The following UPB1 variants were observed in gnomAD, a reference collection of about 807,000 sequenced individuals.
The protein encoded by UPB1 is beta-ureidopropionase 1, also known as beta-ureidopropionase.
UPB1 carries 40 observed loss-of-function variants against 49.1 expected under a neutral mutation model. That is an observed-to-expected ratio of 0.81 (90% CI 0.63 to 1.06). The LOEUF (loss-of-function observed/expected upper bound fraction) is 1.06. Among genes scored for constraint, UPB1 ranks in the 50% least tolerant of loss-of-function variants. The pLI is 0.00. For missense variants in UPB1, 499 were observed against 505.9 expected (o/e 0.99, Z 0.13); for synonymous variants, 207 against 198.2 (o/e 1.04, Z -0.38).
In UPB1 at chr22:24,523,622, A is replaced by G. The variant is rs200513506; in HGVS notation, c.920A>G (p.His307Arg). ...GTGTTTCTTTGTTCCTTTAAAGCTCACCAGGACTTTGGCTACTTTTATGGC... is the reference window on the plus strand; with the variant it reads ...GTGTTTCTTTGTTCCTTTAAAGCTCGCCAGGACTTTGGCTACTTTTATGGC... ...EFTSGDGKKA[H>R]QDFGYFYGSS... Residue 307 changes from histidine to arginine, a missense_variant, in exon 9 of 10, where the codon CAC (histidine) becomes CGC (arginine). His to Arg is a conservative substitution (Grantham distance 29). Transcript: ENST00000326010. The G allele has an allele frequency of 2.5e-6, 4 of 1,614,208 alleles. No homozygotes were observed. The East Asian group carries it at 8.9e-5, about 36-fold the overall frequency.
In UPB1 at chr22:24,525,840, AGTGGATTAGCAAGT is replaced by A. The variant is rs1193485908; in HGVS notation, c.*51_*64del. The A allele has an allele frequency of 1.9e-6, 3 of 1,609,538 alleles. No homozygotes were observed. Among genetic ancestry groups the A allele is most frequent in the Non-Finnish European group, 2.6e-6 (3 of 1,176,090 alleles). The stretch of plus-strand genomic sequence containing the variant: ...GGGGTGAGGAAGACACCTCTGCCCC[AGTGGATTAGCAAGT>A]GTGGCAGGCTTAACATGTCCAGGTT... On this transcript the variant is annotated 3_prime_UTR_variant, in exon 10 of 10. Transcript: ENST00000326010.
intron 7 of UPB1, 31 bp downstream of exon 7, chr22:24,520,499 G>C (rs943280832): frequency 6.2e-7 from 1 of 1,610,234 alleles, no homozygotes; most frequent in East Asian, 2.2e-5. Flanking sequence ...GGGGAGAGGA[G>C]CCACCACCTG....
Position 24,525,967 on chromosome 22 carries a change from C to A in UPB1, c.*173C>A, listed in dbSNP as rs890249856. The A allele has an allele frequency of 6.5e-5, 47 of 727,168 alleles. No individual in the cohort carries two copies. In the African/African-American group the frequency reaches 7.5e-4, roughly 12 times the overall value. 45.0% of individuals were successfully genotyped at this position (727,168 alleles called of 1,614,324 possible). A position where few individuals can be genotyped will look rare whatever the true frequency, so the allele number is the denominator to read the frequency against. ...GAGTGACTTCTTAATGGGTAAGGGG[C>A]TGCTTACTTCTGGGGTATTGGAAAT... On this transcript the variant is annotated 3_prime_UTR_variant, in exon 10 of 10. Transcript: ENST00000326010.
chr22:24,520,527 A>G (rs1026579753), intron 7 of UPB1, 59 bp downstream of exon 7: 4 of 1,581,568 alleles, frequency 2.5e-6, no homozygotes, highest in Non-Finnish European at 3.4e-6. Context: ...TGGTGGGGAC[A>G]CCCCGTTCCC....
chr22:24,511,618 A>ATATATATTT (rs1280628896), intron 4 of UPB1, among the ~76,000 whole-genome samples: 29 of 122,568 alleles, frequency 2.4e-4, no homozygotes, highest in African/African-American at 8.7e-4. Context: ...ATATATATAT[A>ATATATATTT]TTTTTTTTTT....
chr22:24,520,254 C>T, intron 6 of UPB1, 133 bp from the exon 7 acceptor site: 1 of 1,029,480 alleles, frequency 9.7e-7, no homozygotes, highest in Non-Finnish European at 1.5e-6. Context: ...CCCAGGAAAG[C>T]CTGCAGCCAG....
rs577893756 is a variant in UPB1 at position 24,521,870 on chromosome 22, T to C, written c.874-116T>C. On this transcript the variant is annotated intron_variant, in intron 7 of 9. Transcript: ENST00000326010. ...GACCATTCCAGCTCACCTTAACTGT[T>C]TCCTGGCTGACTCGCCTCTCGGCCT... The C allele has an allele frequency of 1.9e-5, 20 of 1,078,060 alleles. No individual in the cohort carries two copies. In the African/African-American group the frequency reaches 1.9e-4, roughly 10 times the overall value. 66.8% of individuals were successfully genotyped at this position (1,078,060 alleles called of 1,614,324 possible).
intron 3 of UPB1, 164 bp downstream of exon 3, chr22:24,502,377 T>C (rs2044009258): frequency 1.2e-6 from 1 of 818,960 alleles, no homozygotes; most frequent in Admixed American, 1.7e-5. Context: ...CTCCCTGCTG[T>C]TACGCACCGA....
At chr22:24,512,936 C>T (rs1261491578) in intron 4 of UPB1, among the ~76,000 whole-genome samples, 2 of 152,218 alleles carry the variant, frequency 1.3e-5, no homozygotes, top group Non-Finnish European at 1.5e-5. Context: ...CATTGATGGG[C>T]ACTTGGTTGG....
In UPB1 at chr22:24,525,576, G is replaced by A. The variant is rs1379145243; in HGVS notation, c.1072-135G>A. ...GCCACAGTACTAGAATCAGTGCCAA[G>A]AGGTCACTGTCAACGAGCCTTCCTG... On this transcript the variant is annotated intron_variant, in intron 9 of 9. Coordinates refer to ENST00000326010, the MANE Select transcript of UPB1 (RefSeq NM_016327.3). The A allele has an allele frequency of 3.1e-6, 3 of 972,028 alleles. No individual in the cohort carries two copies. The African/African-American group carries it at 4.8e-5, about 16-fold the overall frequency. The allele number at this position is 972,028 out of a possible 1,614,324, so 60.2% of individuals were successfully genotyped here.
intron 2 of UPB1, among the ~76,000 whole-genome samples, chr22:24,501,572 T>A (rs1204978589): frequency 6.6e-6 from 1 of 152,102 alleles, no homozygotes; most frequent in Non-Finnish European, 1.5e-5. Flanking sequence ...AGGGGTGACA[T>A]GTGACATAGA....
At chr22:24,498,492 G>T (rs913881218) in intron 1 of UPB1, among the ~76,000 whole-genome samples, 1 of 152,212 alleles carries the variant, frequency 6.6e-6, no homozygotes, top group Admixed American at 6.5e-5. Flanking sequence ...GACAGGAGTG[G>T]CTGGGAGGAG....
intron 9 of UPB1, 128 bp downstream of exon 9, chr22:24,523,901 G>A (rs2147044519): frequency 7.2e-7 from 1 of 1,397,612 alleles, no homozygotes; most frequent in Non-Finnish European, 1.0e-6. Flanking sequence ...GGCTCTGTGT[G>A]AGCTGAGGGC....
chr22:24,513,508 A>T, intron 5 of UPB1, 23 bp downstream of exon 5: 1 of 1,611,284 alleles, frequency 6.2e-7, no homozygotes. Context: ...TAAGATAGAT[A>T]ACCAGCCCTG....
chr22:24,511,360 G>A (rs1359017776), intron 4 of UPB1, among the ~76,000 whole-genome samples: 1 of 152,172 alleles, frequency 6.6e-6, no homozygotes, highest in Non-Finnish European at 1.5e-5. Context: ...AAGTAGATAA[G>A]TGGTGGCTAA....
At chr22:24,500,422 C>T (rs1304476221) in intron 2 of UPB1, 144 bp downstream of exon 2, 2 of 1,009,922 alleles carry the variant, frequency 2.0e-6, no homozygotes, top group East Asian at 5.2e-5. Flanking sequence ...TCTGCCCTGG[C>T]CTCCCCACAT....
chr22:24,506,021 A>AT (rs71189255), intron 3 of UPB1, among the ~76,000 whole-genome samples: 3,577 of 85,568 alleles, frequency 0.042, 119 homozygotes, highest in African/African-American at 0.1. Context: ...CCCTAACTGC[A>AT]TTTTTTTTTT....
In UPB1 at chr22:24,502,650, A is replaced by G. The variant is rs2044014937; in HGVS notation, c.364+437A>G. On this transcript the variant is annotated intron_variant, in intron 3 of 9. Transcript: ENST00000326010. ...TCAGAGTTTTACATGCTCATGGTTT[A>G]GAGTCAGATGGGTGTACAAGGTCTG... 7 of 654,824 alleles carry G rather than the reference A, an allele frequency of 1.1e-5. No individual in the cohort carries two copies. In the South Asian group the frequency reaches 1.3e-4, roughly 12 times the overall value. 40.6% of individuals were successfully genotyped at this position (654,824 alleles called of 1,614,324 possible). A position where few individuals can be genotyped will look rare whatever the true frequency, so the allele number is the denominator to read the frequency against.
chr22:24,517,614 G>A (rs1040831613), intron 6 of UPB1, among the ~76,000 whole-genome samples: 1 of 152,190 alleles, frequency 6.6e-6, no homozygotes. Context: ...CTCCAGTTAG[G>A]CAAACAGAAG....
Sources: gnomAD v4.1 joint callset for allele counts (sites outside exome capture counted in the v4.1 genomes callset) on GRCh38, gnomAD v4.1.1 for gene constraint, MANE v1.5 for transcripts, NCBI Gene and HGNC (gene_info 2026-07-23, HGNC 2026-07-21) for gene names.